Variants in BCAS3 observed in about 807,000 individuals in gnomAD.
The protein encoded by BCAS3 is BCAS3 microtubule associated cell migration factor, also known as BCAS4/BCAS3 fusion.
A neutral mutation model predicts 116.1 loss-of-function variants in BCAS3; 53 were observed. The observed-to-expected ratio is 0.46, with a 90% CI of 0.37 to 0.57. The LOEUF (loss-of-function observed/expected upper bound fraction) is 0.57, where lower values mean the gene tolerates loss of function less well. BCAS3 is among the 20% of genes least tolerant of loss of function. The pLI, the probability that BCAS3 is intolerant of heterozygous loss-of-function variation, is 0.00. For synonymous variants in BCAS3, 391 were observed against 408.2 expected (o/e 0.96, Z 0.51); for missense variants, 917 against 1,165.4 (o/e 0.79, Z 3.10).
chr17:60,820,049 C>T (rs1158295783), intron 7 of BCAS3, among the ~76,000 whole-genome samples: 1 of 151,938 alleles, frequency 6.6e-6, no homozygotes, highest in Non-Finnish European at 1.5e-5. Context: ...TCTTCAGTAA[C>T]CTGACAGTGG....
chr17:61,349,985 C>T lies in BCAS3; in HGVS notation c.2426-18342C>T, dbSNP rs980759161. 6.6e-5 allele frequency among the ~76,000 whole-genome samples: 10 copies of T among 152,156 alleles called. No homozygotes were observed. The highest frequency in any genetic ancestry group is 2.4e-4 in the African/African-American group (10 of 41,432). Reference sequence around the variant, plus strand: ...CTCTCCTGAACAATTGGCTTTGGGACATTGTCTTTCTAGGAAAAATAGAAA... The same window carrying T: ...CTCTCCTGAACAATTGGCTTTGGGATATTGTCTTTCTAGGAAAAATAGAAA... On this transcript the variant is annotated intron_variant, in intron 22 of 23. Coordinates refer to ENST00000407086, the MANE Select transcript of BCAS3 (RefSeq NM_017679.5). This position sits in a 1 kb window ranked among gnomAD's most constrained non-coding sequence, Gnocchi z 4.7.
Position 60,964,722 on chromosome 17 carries a change from T to G in BCAS3, c.1221+17370T>G, listed in dbSNP as rs539340081. On this transcript the variant is annotated intron_variant, in intron 14 of 23. Coordinates refer to ENST00000407086, the MANE Select transcript of BCAS3 (RefSeq NM_017679.5). This position sits in a 1 kb window ranked among gnomAD's most constrained non-coding sequence, Gnocchi z 4.6. ...TTATTACAGCTTCAGTTTTGTTACT[T>G]GTTATTGGTTTGTTGAGGTTTTCTG... Among the ~76,000 whole-genome samples the G allele has an allele frequency of 6.6e-6, 1 of 152,242 alleles. No homozygotes were observed. The highest frequency in any genetic ancestry group is 2.1e-4 in the South Asian group (1 of 4,826).
chr17:60,978,562 C>G (rs1189624458), intron 14 of BCAS3, among the ~76,000 whole-genome samples: 1 of 151,036 alleles, frequency 6.6e-6, no homozygotes, highest in Non-Finnish European at 1.5e-5. Flanking sequence ...GTGTTTTAGA[C>G]ATGAAGTCCT....
At position 61,140,933 on chromosome 17, in the gene BCAS3, C is replaced by T. The variant is rs761481035; in HGVS notation, c.2425+56369C>T. Among the ~76,000 whole-genome samples the T allele has an allele frequency of 3.3e-5, 5 of 151,810 alleles. No individual in the cohort carries two copies. Among genetic ancestry groups the T allele is most frequent in the Non-Finnish European group, 5.9e-5 (4 of 67,954 alleles). On this transcript the variant is annotated intron_variant, in intron 22 of 23. Transcript: ENST00000407086. This position sits in a 1 kb window ranked among gnomAD's most constrained non-coding sequence, Gnocchi z 4.2. ...AAGCATGCCTCCCTGTGCTCTTTGT[C>T]CATTTGAGTGTTTTTTTTTTCCCCC...
chr17:60,921,013 G>C lies in BCAS3; in HGVS notation c.994-3394G>C, dbSNP rs367975155. 4.6e-5 allele frequency among the ~76,000 whole-genome samples: 7 copies of C among 152,252 alleles called. No individual in the cohort carries two copies. In the East Asian group the frequency reaches 1.4e-3, roughly 29 times the overall value. ...CAGCCACTGTGGAAAGCAGTTTGGAGACTTCTCAACTTAAACAAAGCTACC... is the reference window on the plus strand; with the variant it reads ...CAGCCACTGTGGAAAGCAGTTTGGACACTTCTCAACTTAAACAAAGCTACC... On this transcript the variant is annotated intron_variant, in intron 12 of 23. Transcript: ENST00000407086.
intron 10 of BCAS3, among the ~76,000 whole-genome samples, chr17:60,901,709 T>G (rs1254356948): frequency 1.3e-5 from 2 of 152,220 alleles, no homozygotes; most frequent in Non-Finnish European, 2.9e-5. Flanking sequence ...AAGGATTACA[T>G]ATCAGTCTTC....
intron 22 of BCAS3, among the ~76,000 whole-genome samples, chr17:61,230,170 CACACAT>C (rs1206588833): frequency 1.8e-4 from 22 of 121,336 alleles, no homozygotes; most frequent in Admixed American, 8.0e-4. Flanking sequence ...CACACACACA[CACACAT>C]AGTGTTGATA....
Position 61,029,373 on chromosome 17 carries a change from A to G in BCAS3, c.1638-5293A>G, listed in dbSNP as rs1241958286. ...AAGCTTGTTGGAAAGTAAACTATGC[A>G]TCTTCAACATTTTAGTCACTTTGGA... On this transcript the variant is annotated intron_variant, in intron 16 of 23. Coordinates refer to ENST00000407086, the MANE Select transcript of BCAS3 (RefSeq NM_017679.5). This position sits in a 1 kb window ranked among gnomAD's most constrained non-coding sequence, Gnocchi z 5.2. Among the ~76,000 whole-genome samples the G allele has an allele frequency of 1.3e-5, 2 of 151,992 alleles. No individual in the cohort carries two copies. Among genetic ancestry groups the G allele is most frequent in the Non-Finnish European group, 2.9e-5 (2 of 67,886 alleles).
intron 6 of BCAS3, among the ~76,000 whole-genome samples, chr17:60,794,801 T>C (rs1337635384): frequency 6.6e-6 from 1 of 152,230 alleles, no homozygotes; most frequent in African/African-American, 2.4e-5. Context: ...TTTTGGTGAC[T>C]ATGGCCTTAG....
intron 22 of BCAS3, among the ~76,000 whole-genome samples, chr17:61,157,147 TC>T (rs1050676604): frequency 4.6e-5 from 7 of 152,188 alleles, no homozygotes; most frequent in Non-Finnish European, 7.4e-5. Flanking sequence ...GGGAAATAAC[TC>T]TGATTGATTT....
At chr17:61,296,388 G>T (rs922960371) in intron 22 of BCAS3, among the ~76,000 whole-genome samples, 13 of 152,200 alleles carry the variant, frequency 8.5e-5, no homozygotes, top group African/African-American at 3.1e-4. Context: ...GGAACCCAGT[G>T]GTTCCAAGGC....
At chr17:60,906,632 G>T (rs1432659040) in intron 11 of BCAS3, among the ~76,000 whole-genome samples, 1 of 151,982 alleles carries the variant, frequency 6.6e-6, no homozygotes, top group African/African-American at 2.4e-5. Context: ...TATTCTTTCG[G>T]ATTCTGACTT....
At position 61,365,624 on chromosome 17, in the gene BCAS3, G is replaced by A. The variant is rs191970062; in HGVS notation, c.2426-2703G>A. ...GCTGGGATTACAGGCGTGAGCCACC[G>A]TGCCTGGCCCAATTTCTTTTGTTTG... is the stretch of plus-strand genomic sequence containing the variant. On this transcript the variant is annotated intron_variant, in intron 22 of 23. Transcript: ENST00000407086. This position sits in a 1 kb window ranked among gnomAD's most constrained non-coding sequence, Gnocchi z 4.6. 2.2e-4 allele frequency among the ~76,000 whole-genome samples: 33 copies of A among 152,024 alleles called. No homozygotes were observed. In the East Asian group the frequency reaches 4.9e-3, roughly 22 times the overall value.
chr17:61,173,474 T>C (rs1405197105), intron 22 of BCAS3, among the ~76,000 whole-genome samples: 3 of 151,142 alleles, frequency 2.0e-5, no homozygotes, highest in Non-Finnish European at 4.4e-5. Flanking sequence ...TGTTTTGAAC[T>C]AAATGAAAAT....
At chr17:60,810,037 T>G (rs1276915657) in intron 7 of BCAS3, 1 of 189,934 alleles carries the variant, frequency 5.3e-6, no homozygotes, top group African/African-American at 2.4e-5. Context: ...TTTTTAAATA[T>G]AAAATTATGA....
At position 61,059,063 on chromosome 17, in the gene BCAS3, CTTTTTTTTTTTTTTTTT is replaced by C. The variant is rs869090870; in HGVS notation, c.2030-15836_2030-15820del. 7.0e-3 allele frequency among the ~76,000 whole-genome samples: 228 copies of C among 32,798 alleles called. 2 individuals are homozygous for C. Among genetic ancestry groups the C allele is most frequent in the Non-Finnish European group, 9.0e-3 (143 of 15,836 alleles). The allele number at this position is 32,798 out of a possible 152,430, so 21.5% of individuals were successfully genotyped here. A position where few individuals can be genotyped will look rare whatever the true frequency, so the allele number is the denominator to read the frequency against. ...TCCCCGAACTCTTTTTTCTCCCCAT[CTTTTTTTTTTTTTTTTT>C]TTTTTTTTTTTTTTTTTTTTGAGAC... On this transcript the variant is annotated intron_variant, in intron 19 of 23. Coordinates refer to ENST00000407086, the MANE Select transcript of BCAS3 (RefSeq NM_017679.5).
intron 22 of BCAS3, among the ~76,000 whole-genome samples, chr17:61,192,135 A>G (rs1022507411): frequency 6.6e-6 from 1 of 150,416 alleles, no homozygotes; most frequent in Non-Finnish European, 1.5e-5. Flanking sequence ...AATCCCAGCT[A>G]CTCAGGAGGC....
At chr17:60,755,540 C>T (rs545176452) in intron 6 of BCAS3, among the ~76,000 whole-genome samples, 1 of 152,126 alleles carries the variant, frequency 6.6e-6, no homozygotes, top group South Asian at 2.1e-4. Flanking sequence ...CTCTGTTAAT[C>T]TCTTGTTTTA....
At chr17:60,869,548 G>A (rs1286591410) in intron 8 of BCAS3, among the ~76,000 whole-genome samples, 3 of 152,140 alleles carry the variant, frequency 2.0e-5, no homozygotes, top group African/African-American at 7.2e-5. Flanking sequence ...AATGTAGAAG[G>A]GAGGGCAAAG....
Sources: allele counts gnomAD v4.1 joint callset (sites outside exome capture counted in the v4.1 genomes callset), GRCh38; gene constraint gnomAD v4.1.1; non-coding constraint Gnocchi (gnomAD v3.1); transcripts MANE v1.5; gene names NCBI Gene and HGNC (gene_info 2026-07-23, HGNC 2026-07-21).